Variants in GRM4 observed in about 807,000 individuals in gnomAD.
The protein encoded by GRM4 is metabotropic glutamate receptor 4.
GRM4 carries 28 observed loss-of-function variants against 81.7 expected under a neutral mutation model. The ratio of observed to expected loss-of-function variants is 0.34; its 90% CI spans 0.25 to 0.47. The LOEUF is 0.47. GRM4 is among the 20% of genes least tolerant of loss of function. The probability of loss-of-function intolerance (pLI) is 1.00; values close to 1 mark genes in which losing one functional copy is unlikely to be tolerated. For synonymous variants in GRM4, 488 were observed against 528.8 expected (o/e 0.92, Z 1.06); for missense variants, 948 against 1,290.0 (o/e 0.73, Z 4.06).
chr6:34,044,771 CAT>C (rs1305295241), intron 6 of GRM4, among the ~76,000 whole-genome samples: 7 of 129,254 alleles, frequency 5.4e-5, no homozygotes, highest in Non-Finnish European at 4.8e-5. Flanking sequence ...CACACATAGA[CAT>C]ACACATACAC....
rs1267790039 is a variant in GRM4 at position 34,035,496 on chromosome 6, GAGAAGGCAGAATGAGGCATGAA to G, written c.2442+150_2442+171del. Among the ~76,000 whole-genome samples, 2 of 137,690 alleles carry G rather than the reference GAGAAGGCAGAATGAGGCATGAA, an allele frequency of 1.5e-5. No individual in the cohort carries two copies. The highest frequency in any genetic ancestry group is 6.1e-5 in the African/African-American group (2 of 32,718). The allele number at this position is 137,690 out of a possible 152,430, so 90.3% of individuals were successfully genotyped here. A position where few individuals can be genotyped will look rare whatever the true frequency, so the allele number is the denominator to read the frequency against. On this transcript the variant is annotated intron_variant, in intron 9 of 10. Transcript: ENST00000538487. The surrounding 1 kb of genome is among the most constrained non-coding windows in gnomAD (Gnocchi z 6.6). ...CCAGAGAGAAAACTTGCAGCTGGGAGAGAAGGCAGAATGAGGCATGAAAGAAGGCAGAATGAGGCAAGAAAGA... is the reference window on the plus strand; with the variant it reads ...CCAGAGAGAAAACTTGCAGCTGGGAGAGAAGGCAGAATGAGGCAAGAAAGA...
chr6:34,135,847 C>A (rs1770434831), intron 1 of GRM4, among the ~76,000 whole-genome samples: 2 of 152,248 alleles, frequency 1.3e-5, no homozygotes. Context: ...AGATAAGGCA[C>A]ATCCCTGCTA....
rs1242733747 is a variant in GRM4, at chr6:34,111,966, A to G, written c.520-19867T>C. ...ATAAGAAAAGGAGACTTGCCTGGAGATTCTGAAATGGGGAGGTCTCCTCAC... is the reference window on the plus strand; with the variant it reads ...ATAAGAAAAGGAGACTTGCCTGGAGGTTCTGAAATGGGGAGGTCTCCTCAC... On this transcript the variant is annotated intron_variant, in intron 2 of 10. Transcript: ENST00000538487. This position sits in a 1 kb window ranked among gnomAD's most constrained non-coding sequence, Gnocchi z 5.1. 2.6e-5 allele frequency among the ~76,000 whole-genome samples: 4 copies of G among 152,004 alleles called. No individual in the cohort carries two copies. The highest frequency in any genetic ancestry group is 9.7e-5 in the African/African-American group (4 of 41,362).
chr6:34,138,277 C>A (rs1319073519), intron 1 of GRM4, among the ~76,000 whole-genome samples: 1 of 152,146 alleles, frequency 6.6e-6, no homozygotes, highest in Non-Finnish European at 1.5e-5. Flanking sequence ...CAAAAAGAGC[C>A]AGGCCAAGAG....
At chr6:34,041,742 G>C (rs1380829467) in intron 6 of GRM4, among the ~76,000 whole-genome samples, 1 of 152,256 alleles carries the variant, frequency 6.6e-6, no homozygotes, top group African/African-American at 2.4e-5. Context: ...CCCTGGGCTG[G>C]AGCAGGTGGG....
intron 9 of GRM4, among the ~76,000 whole-genome samples, chr6:34,032,954 G>A (rs1471213544): frequency 6.6e-6 from 1 of 152,198 alleles, no homozygotes; most frequent in Non-Finnish European, 1.5e-5. Flanking sequence ...GAGGAGGTGT[G>A]GGAAGGGGCC....
chr6:34,069,097 C>T lies in GRM4; in HGVS notation c.737-7069G>A, dbSNP rs1187740631. Among the ~76,000 whole-genome samples the T allele has an allele frequency of 6.6e-6, 1 of 151,862 alleles. No individual in the cohort carries two copies. Among genetic ancestry groups the T allele is most frequent in the African/African-American group, 2.4e-5 (1 of 41,302 alleles). On this transcript the variant is annotated intron_variant, in intron 3 of 10. Transcript: ENST00000538487. This position sits in a 1 kb window ranked among gnomAD's most constrained non-coding sequence, Gnocchi z 6.4. The stretch of plus-strand genomic sequence containing the variant: ...GACAGGGGCAGGAGAGCAGGTCCCC[C>T]CGGCTCCCATAGGGGAGGACAGAGG...
intron 1 of GRM4, among the ~76,000 whole-genome samples, chr6:34,138,772 G>A (rs902034720): frequency 3.3e-5 from 5 of 152,216 alleles, no homozygotes; most frequent in East Asian, 1.9e-4. Context: ...GCCCAGTCCT[G>A]CACAGAGCCT....
At chr6:34,122,436 G>A (rs967098111) in intron 2 of GRM4, among the ~76,000 whole-genome samples, 2 of 152,206 alleles carry the variant, frequency 1.3e-5, no homozygotes, top group Non-Finnish European at 2.9e-5. Flanking sequence ...CATAGAGGCC[G>A]GCCCTGCCTC....
chr6:34,099,916 G>T (rs766567702), intron 2 of GRM4: 1 of 282,920 alleles, frequency 3.5e-6, no homozygotes, highest in Non-Finnish European at 5.3e-6. Context: ...CCCAACACCC[G>T]CCAGAGCCAT....
rs1207332218 is a variant in GRM4 at position 34,048,511 on chromosome 6, G to A, written c.1169-7763C>T. On this transcript the variant is annotated intron_variant, in intron 6 of 10. Transcript: ENST00000538487. This position sits in a 1 kb window ranked among gnomAD's most constrained non-coding sequence, Gnocchi z 4.0. ...ACTCTCAGGCAAATGTGGATGAGCCGCCCCTGCTAACAACTCCCAACGCAG... is the reference window on the plus strand; with the variant it reads ...ACTCTCAGGCAAATGTGGATGAGCCACCCCTGCTAACAACTCCCAACGCAG... 2.0e-5 allele frequency among the ~76,000 whole-genome samples: 3 copies of A among 152,092 alleles called. No homozygotes were observed. The highest frequency in any genetic ancestry group is 2.4e-5 in the African/African-American group (1 of 41,390).
chr6:34,033,140 T>A (rs1331079815), intron 9 of GRM4, among the ~76,000 whole-genome samples: 1 of 152,124 alleles, frequency 6.6e-6, no homozygotes, highest in Non-Finnish European at 1.5e-5. Context: ...GAGACCCAGC[T>A]CACAGCATGG....
chr6:34,151,828 C>T (rs1277231845), intron 1 of GRM4, among the ~76,000 whole-genome samples: 2 of 152,076 alleles, frequency 1.3e-5, no homozygotes, highest in Non-Finnish European at 2.9e-5. Context: ...ACACTGTCCA[C>T]AGCACTCAGG....
rs1765882783 is a variant in GRM4 at position 34,056,438 on chromosome 6, C to CCG, written c.1168+104_1168+105dup. On this transcript the variant is annotated intron_variant, in intron 6 of 10. Transcript: ENST00000538487. ...GGCCCAACTGCACGTCCTGCCACGG[C>CCG]CGGCCGACGACAGACAAAGGGAGAC... is the stretch of plus-strand genomic sequence containing the variant. 3.8e-6 allele frequency: 4 copies of CCG among 1,059,908 alleles called. No homozygotes were observed. The African/African-American group carries it at 4.7e-5, about 13-fold the overall frequency. 65.7% of individuals were successfully genotyped at this position (1,059,908 alleles called of 1,614,324 possible). A position where few individuals can be genotyped will look rare whatever the true frequency, so the allele number is the denominator to read the frequency against.
intron 6 of GRM4, chr6:34,055,597 G>T (rs1024126324): frequency 1.3e-5 from 2 of 152,238 alleles, no homozygotes; most frequent in Admixed American, 6.5e-5. Flanking sequence ...CACTCAGGCT[G>T]AGAGGCACCA....
rs1184769095 is a variant in GRM4 at position 34,102,024 on chromosome 6, GTCC to G, written c.520-9928_520-9926del. The G allele has an allele frequency of 3.3e-6, 5 of 1,535,484 alleles. No homozygotes were observed. In the African/African-American group the frequency reaches 6.8e-5, roughly 21 times the overall value. On this transcript the variant is annotated intron_variant, in intron 2 of 10. Coordinates refer to ENST00000538487, the MANE Select transcript of GRM4 (RefSeq NM_000841.4). ...GGGCCTCTCACCAGGATCCTTACCT[GTCC>G]TCCACCCCCAAAGCATGGCCCTGAA...
chr6:34,147,963 G>T (rs938655651), upstream of GRM4, among the ~76,000 whole-genome samples: 6 of 152,024 alleles, frequency 3.9e-5, no homozygotes, highest in African/African-American at 1.5e-4. Context: ...ATGGGCCATG[G>T]TTTATTGAGA....
At position 34,079,377 on chromosome 6, in the gene GRM4, C is replaced by T. The variant is rs1242882642; in HGVS notation, c.736+12506G>A. Among the ~76,000 whole-genome samples, 9 of 152,286 alleles carry T rather than the reference C, an allele frequency of 5.9e-5. No individual in the cohort carries two copies. The East Asian group carries it at 1.5e-3, about 26-fold the overall frequency. ...CCTTCCCCGACTCCTGCCTGGCCTT[C>T]CCATCCCTGCAACAACAGTTTAGCC... On this transcript the variant is annotated intron_variant, in intron 3 of 10. Coordinates refer to ENST00000538487, the MANE Select transcript of GRM4 (RefSeq NM_000841.4).
intron 2 of GRM4, among the ~76,000 whole-genome samples, chr6:34,116,322 G>A (rs755343933): frequency 6.6e-6 from 1 of 152,166 alleles, no homozygotes; most frequent in Non-Finnish European, 1.5e-5. Context: ...CCTAGCTGGC[G>A]ACTCACACAA....
Sources: allele counts gnomAD v4.1 joint callset (sites outside exome capture counted in the v4.1 genomes callset), GRCh38; gene constraint gnomAD v4.1.1; non-coding constraint Gnocchi (gnomAD v3.1); transcripts MANE v1.5; gene names NCBI Gene and HGNC (gene_info 2026-07-23, HGNC 2026-07-21).